Variants in ANKRD22 observed in about 807,000 individuals in gnomAD.
ANKRD22 encodes the protein ankyrin repeat domain-containing protein 22.
In ANKRD22, 24 loss-of-function variants were observed where a neutral mutation model predicts 25.7. The ratio of observed to expected loss-of-function variants is 0.93; its 90% CI spans 0.68 to 1.31. ANKRD22 has a LOEUF of 1.31. Among genes scored for constraint, ANKRD22 ranks in the 50% most tolerant of loss-of-function variants. ANKRD22 has a pLI of 0.00. For missense variants in ANKRD22, 214 were observed against 227.1 expected (o/e 0.94, Z 0.37); for synonymous variants, 84 against 84.3 (o/e 1.00, Z 0.02).
At position 88,838,425 on chromosome 10, in the gene ANKRD22, A is replaced by G. The variant is rs77567590; in HGVS notation, c.22-6399T>C. Among the ~76,000 whole-genome samples the G allele has an allele frequency of 0.01, 1,576 of 152,314 alleles. 55 individuals are homozygous for G. The East Asian group carries it at 0.15, about 14-fold the overall frequency. ...AATGAACTTGCAAAAAGAGAGAGAC[A>G]AGCAAATAGAAACACAGAGAAGGAT... is the stretch of plus-strand genomic sequence containing the variant. On this transcript the variant is annotated intron_variant, in intron 1 of 5. Transcript: ENST00000371930.
intron 4 of ANKRD22, 60 bp downstream of exon 4, chr10:88,825,978 A>G (rs1396745840): frequency 7.3e-7 from 1 of 1,362,128 alleles, no homozygotes; most frequent in Non-Finnish European, 1.0e-6. Flanking sequence ...GATGACAAAT[A>G]CGCTACCTAC....
chr10:88,850,663 A>G (rs541707914), intron 1 of ANKRD22, among the ~76,000 whole-genome samples: 28 of 152,142 alleles, frequency 1.8e-4, no homozygotes, highest in Non-Finnish European at 3.4e-4. Flanking sequence ...AAAGCACTAT[A>G]TGTTTTGTCA....
In ANKRD22 at chr10:88,843,371, A is replaced by G. The variant is rs571464212; in HGVS notation, c.21+8216T>C. Among the ~76,000 whole-genome samples, 67 of 152,270 alleles carry G rather than the reference A, an allele frequency of 4.4e-4. 1 individual carries two copies. Among genetic ancestry groups the G allele is most frequent in the South Asian group, 3.5e-3 (17 of 4,826 alleles). ...AAAGGTCAACTGTTGGTAAAGCCAC[A>G]AAACCATAGTGCTAAAATCCCCTTT... On this transcript the variant is annotated intron_variant, in intron 1 of 5. Coordinates refer to ENST00000371930, the MANE Select transcript of ANKRD22 (RefSeq NM_144590.3).
chr10:88,850,225 A>C (rs1049344051), intron 1 of ANKRD22, among the ~76,000 whole-genome samples: 4 of 151,994 alleles, frequency 2.6e-5, no homozygotes, highest in African/African-American at 9.7e-5. Flanking sequence ...GAAAGGTCCT[A>C]CTTCCAACTT....
chr10:88,849,259 G>A lies in ANKRD22; in HGVS notation c.21+2328C>T, dbSNP rs891842138. Among the ~76,000 whole-genome samples the A allele has an allele frequency of 3.3e-5, 5 of 152,056 alleles. No individual in the cohort carries two copies. In the South Asian group the frequency reaches 1.0e-3, roughly 32 times the overall value. On this transcript the variant is annotated intron_variant, in intron 1 of 5. Transcript: ENST00000371930. ...TCCGATTTTTGTGCTACTTCACAAT[G>A]CAACAGTTCTCTGTTGCAAGGTAGC...
chr10:88,828,647 T>G lies in ANKRD22; in HGVS notation c.233A>C (p.His78Pro). 1 of 1,600,166 alleles carries G rather than the reference T, an allele frequency of 6.2e-7. No homozygotes were observed. The highest frequency in any genetic ancestry group is 8.5e-7 in the Non-Finnish European group (1 of 1,172,664). The change falls in exon 3 of 6, where the codon CAT becomes CCT. Residue 78 changes from histidine to proline, a missense_variant. Physicochemically the swap from His to Pro is moderately conservative, Grantham distance 77. Transcript: ENST00000371930. ...GGTAAATTTTTTCTTCACAGCATAA[T>G]GCAAGCAGGTTCTCTCTTTCTAAAA... is the stretch of plus-strand genomic sequence containing the variant. ...LKNQKERTCL[H>P]YAVKKKFTFI...
intron 1 of ANKRD22, among the ~76,000 whole-genome samples, chr10:88,838,909 G>C (rs1843979844): frequency 6.6e-6 from 1 of 152,164 alleles, no homozygotes; most frequent in Non-Finnish European, 1.5e-5. Context: ...GGAGATTGAA[G>C]AGAAGGAGTA....
At chr10:88,843,736 C>T (rs973226463) in intron 1 of ANKRD22, among the ~76,000 whole-genome samples, 2 of 152,110 alleles carry the variant, frequency 1.3e-5, no homozygotes, top group Admixed American at 6.6e-5. Flanking sequence ...CAAGGGATTT[C>T]ATTGGGAGAA....
chr10:88,841,172 A>G (rs757927413), intron 1 of ANKRD22, among the ~76,000 whole-genome samples: 2 of 152,146 alleles, frequency 1.3e-5, no homozygotes, highest in African/African-American at 2.4e-5. Context: ...GGTCATGAGG[A>G]CCAGGGGAAA....
At chr10:88,845,068 A>G (rs777598041) in intron 1 of ANKRD22, among the ~76,000 whole-genome samples, 1 of 52,352 alleles carries the variant, frequency 1.9e-5, no homozygotes, top group Non-Finnish European at 3.2e-5. Flanking sequence ...TCCTCTTACA[A>G]AACTTGAGAA....
chr10:88,824,985 GCTCTCTCTCT>G (rs142353847), intron 4 of ANKRD22, among the ~76,000 whole-genome samples: 29 of 141,388 alleles, frequency 2.1e-4, no homozygotes, highest in Admixed American at 1.1e-3. Flanking sequence ...ATTTTCTTTT[GCTCTCTCTCT>G]CTCTCTCTCT....
intron 1 of ANKRD22, among the ~76,000 whole-genome samples, chr10:88,837,424 T>C (rs1004489285): frequency 6.6e-6 from 1 of 152,030 alleles, no homozygotes; most frequent in Admixed American, 6.6e-5. Flanking sequence ...AGATAATTGA[T>C]CAAAGAGAGT....
chr10:88,832,065 G>A, intron 1 of ANKRD22, 39 bp from the exon 2 acceptor site: 3 of 1,541,466 alleles, frequency 1.9e-6, no homozygotes, highest in East Asian at 2.3e-5. Flanking sequence ...TGAAATACTG[G>A]CATAATTAAA....
rs1174314638 is a variant in ANKRD22, at chr10:88,820,637, C to CATTTACCTCAATGTACCTCAAAAAAA, written c.*2303_*2304insTTTTTTTGAGGTACATTGAGGTAAAT. Reference sequence around the variant, plus strand: ...CACTTGGCACTAAATCCGACACTTACATTTACATTTTTTTTCTGTAAATTA... The same window carrying CATTTACCTCAATGTACCTCAAAAAAA: ...CACTTGGCACTAAATCCGACACTTACATTTACCTCAATGTACCTCAAAAAAAATTTACATTTTTTTTCTGTAAATTA... On this transcript the variant is annotated 3_prime_UTR_variant, in exon 6 of 6. Transcript: ENST00000371930. 1.2e-5 allele frequency: 10 copies of CATTTACCTCAATGTACCTCAAAAAAA among 811,636 alleles called. No homozygotes were observed. Among genetic ancestry groups the CATTTACCTCAATGTACCTCAAAAAAA allele is most frequent in the African/African-American group, 5.2e-5 (3 of 57,840 alleles). The allele number at this position is 811,636 out of a possible 1,614,324, so 50.3% of individuals were successfully genotyped here.
chr10:88,835,888 A>G (rs1445552246), intron 1 of ANKRD22, among the ~76,000 whole-genome samples: 4 of 152,290 alleles, frequency 2.6e-5, no homozygotes, highest in Admixed American at 2.6e-4. Context: ...GCCAGGTATG[A>G]AAAAGAGAAG....
rs1467993011 is a variant in ANKRD22, at chr10:88,823,394, C to T, written c.400-16G>A. On this transcript the variant is annotated splice_polypyrimidine_tract_variant and intron_variant, in intron 4 of 5. Coordinates refer to ENST00000371930, the MANE Select transcript of ANKRD22 (RefSeq NM_144590.3). Reference sequence around the variant, plus strand: ...TACAGCCATACTGAAACACAAAGGGCCAAAACTTCAGCTCATAAGTCGGGC... The same window carrying T: ...TACAGCCATACTGAAACACAAAGGGTCAAAACTTCAGCTCATAAGTCGGGC... 1.3e-6 allele frequency: 2 copies of T among 1,599,752 alleles called. No individual in the cohort carries two copies. The highest frequency in any genetic ancestry group is 3.3e-5 in the Admixed American group (2 of 59,984).
chr10:88,825,938 A>T, intron 4 of ANKRD22, 100 bp downstream of exon 4: 1 of 1,011,354 alleles, frequency 9.9e-7, no homozygotes, highest in South Asian at 1.7e-5. Context: ...CTAAATGTAA[A>T]ATTGTCTAGG....
rs1166384591 is a variant in ANKRD22, at chr10:88,820,342, G to A, written c.*2599C>T. On this transcript the variant is annotated 3_prime_UTR_variant, in exon 6 of 6. Coordinates refer to ENST00000371930, the MANE Select transcript of ANKRD22 (RefSeq NM_144590.3). ...AAGACGTGAAAATGCTGCTCTCTGA[G>A]GTGACCAACCTCATCTACCATAAGA... The A allele has an allele frequency of 1.3e-6, 2 of 1,552,308 alleles. No individual in the cohort carries two copies. The highest frequency in any genetic ancestry group is 1.7e-6 in the Non-Finnish European group (2 of 1,147,138).
chr10:88,832,921 A>G (rs1843920985), intron 1 of ANKRD22, among the ~76,000 whole-genome samples: 1 of 152,222 alleles, frequency 6.6e-6, no homozygotes, highest in Admixed American at 6.5e-5. Context: ...CTCTCTCTGC[A>G]TAAAACACAC....
Sources: gnomAD v4.1 joint callset for allele counts (sites outside exome capture counted in the v4.1 genomes callset) on GRCh38, gnomAD v4.1.1 for gene constraint, MANE v1.5 for transcripts, NCBI Gene and HGNC (gene_info 2026-07-23, HGNC 2026-07-21) for gene names.